OCA2: variants seen among roughly 807,000 people sequenced by gnomAD.
The protein encoded by OCA2 is P protein.
In OCA2, 77 loss-of-function variants were observed where a neutral mutation model predicts 100.2. The ratio of observed to expected loss-of-function variants is 0.77; its 90% CI spans 0.64 to 0.93. The LOEUF is 0.93. Ranked by LOEUF, OCA2 falls within the 40% of genes least tolerant of loss-of-function variation. The pLI, the probability that OCA2 is intolerant of heterozygous loss-of-function variation, is 0.00. For synonymous variants in OCA2, 432 were observed against 439.2 expected (o/e 0.98, Z 0.21); for missense variants, 1,062 against 1,089.1 (o/e 0.98, Z 0.35).
At chr15:28,074,029 C>CACAG (rs1555390153) in intron 2 of OCA2, among the ~76,000 whole-genome samples, 2 of 148,268 alleles carry the variant, frequency 1.3e-5, no homozygotes, top group African/African-American at 5.0e-5. Flanking sequence ...CACACACACA[C>CACAG]AGTACAAAAA....
rs545399254 is a variant in OCA2 at position 27,868,382 on chromosome 15, G to A, written c.2244+2772C>T. Among the ~76,000 whole-genome samples, 8 of 152,248 alleles carry A rather than the reference G, an allele frequency of 5.3e-5. No individual in the cohort carries two copies. The South Asian group carries it at 1.7e-3, about 32-fold the overall frequency. ...ATATATATGCAATGAAAGGTGATTC[G>A]GACTTAAAAGAGCAGAAAATCCTGC... is the stretch of plus-strand genomic sequence containing the variant. On this transcript the variant is annotated intron_variant, in intron 21 of 23. Coordinates refer to ENST00000354638, the MANE Select transcript of OCA2 (RefSeq NM_000275.3).
intron 19 of OCA2, among the ~76,000 whole-genome samples, chr15:27,884,324 G>C (rs574595323): frequency 6.6e-6 from 1 of 152,182 alleles, no homozygotes; most frequent in Non-Finnish European, 1.5e-5. Context: ...GCAGTGAACC[G>C]AAATCGCACC....
intron 23 of OCA2, among the ~76,000 whole-genome samples, chr15:27,792,238 C>A (rs528225502): frequency 1.3e-5 from 2 of 152,100 alleles, no homozygotes; most frequent in South Asian, 4.2e-4. Flanking sequence ...CTCTTGCCTG[C>A]CTTTCTTCCT....
At chr15:27,876,172 TG>T (rs1471991488) in intron 19 of OCA2, among the ~76,000 whole-genome samples, 1 of 152,112 alleles carries the variant, frequency 6.6e-6, no homozygotes, top group Admixed American at 6.5e-5. Flanking sequence ...TTCATCAGTT[TG>T]AGAATTCATG....
At chr15:27,800,351 G>A (rs1037387255) in intron 23 of OCA2, among the ~76,000 whole-genome samples, 1 of 151,838 alleles carries the variant, frequency 6.6e-6, no homozygotes, top group African/African-American at 2.4e-5. Flanking sequence ...CAAGATCAAA[G>A]GAGAAATCAA....
intron 23 of OCA2, among the ~76,000 whole-genome samples, chr15:27,792,750 G>A (rs1217464832): frequency 1.3e-5 from 2 of 152,224 alleles, no homozygotes; most frequent in African/African-American, 4.8e-5. Context: ...GTAAGCTACT[G>A]TAGGCCAAAG....
intron 22 of OCA2, among the ~76,000 whole-genome samples, chr15:27,847,598 C>T (rs1567019135): frequency 1.3e-5 from 2 of 152,124 alleles, no homozygotes; most frequent in Admixed American, 6.5e-5. Flanking sequence ...GGAGAGGCCC[C>T]GGAGAGAGGC....
In OCA2 at chr15:27,989,671, A is replaced by G. The variant is rs1195683880; in HGVS notation, c.1117-5T>C. The stretch of plus-strand genomic sequence containing the variant: ...CACATGGGTCAGGCTGGGTCTCTGC[A>G]ATCAAAGCACAAATTTGCCAATTAA... On this transcript the variant is annotated splice_region_variant and splice_polypyrimidine_tract_variant and intron_variant, in intron 10 of 23. Coordinates refer to ENST00000354638, the MANE Select transcript of OCA2 (RefSeq NM_000275.3). 6.2e-7 allele frequency: 1 copy of G among 1,614,060 alleles called. No homozygotes were observed. The highest frequency in any genetic ancestry group is 2.2e-5 in the East Asian group (1 of 44,858).
At chr15:27,799,518 G>A (rs1275827375) in intron 23 of OCA2, among the ~76,000 whole-genome samples, 1 of 152,180 alleles carries the variant, frequency 6.6e-6, no homozygotes, top group Non-Finnish European at 1.5e-5. Context: ...GCCAAGGCAA[G>A]TGGATAACCT....
intron 20 of OCA2, 128 bp from the exon 21 acceptor site, chr15:27,871,386 G>T: frequency 1.4e-6 from 1 of 733,662 alleles, no homozygotes; most frequent in Middle Eastern, 3.2e-4. Context: ...GACCAAGGCA[G>T]ACATAGGTGT....
chr15:27,957,383 G>A lies in OCA2; in HGVS notation c.1784+205C>T, dbSNP rs748777294. Among the ~76,000 whole-genome samples, 7 of 152,144 alleles carry A rather than the reference G, an allele frequency of 4.6e-5. No individual in the cohort carries two copies. The highest frequency in any genetic ancestry group is 8.8e-5 in the Non-Finnish European group (6 of 68,038). ...TCAAATTCTCTGAGCCTCTGGTTTT[G>A]TGTTGTTTCTTTGGTCCTTAAACTC... On this transcript the variant is annotated intron_variant, in intron 16 of 23. Coordinates refer to ENST00000354638, the MANE Select transcript of OCA2 (RefSeq NM_000275.3). The surrounding 1 kb of genome is among the most constrained non-coding windows in gnomAD (Gnocchi z 4.3).
At chr15:27,983,886 C>A (rs978979687) in intron 13 of OCA2, among the ~76,000 whole-genome samples, 1 of 151,870 alleles carries the variant, frequency 6.6e-6, no homozygotes. Context: ...CCACCTCCCC[C>A]TTCCTGGACA....
At chr15:27,796,793 T>C (rs4238494) in intron 23 of OCA2, among the ~76,000 whole-genome samples, 85,358 of 152,060 alleles carry the variant, frequency 0.56, 26,701 homozygotes, top group African/African-American at 0.84. Context: ...GAAAAATCTG[T>C]AGCAAGCACA....
intron 21 of OCA2, among the ~76,000 whole-genome samples, chr15:27,865,769 G>A (rs962629031): frequency 1.5e-4 from 23 of 152,248 alleles, no homozygotes; most frequent in African/African-American, 5.1e-4. Flanking sequence ...GCAAGGAGGC[G>A]GCACTGCCTT....
rs539633074 is a variant in OCA2, at chr15:28,024,215, C to T, written c.573+630G>A. Among the ~76,000 whole-genome samples, 289 of 152,304 alleles carry T rather than the reference C, an allele frequency of 1.9e-3. 4 individuals carry two copies. The highest frequency in any genetic ancestry group is 6.6e-3 in the African/African-American group (274 of 41,574). On this transcript the variant is annotated intron_variant, in intron 5 of 23. Transcript: ENST00000354638. Reference sequence around the variant, plus strand: ...GGACCCCTCCAATGAAGAACAGCACCGCCCACTGCCATGGGCTCACCAGAG... The same window carrying T: ...GGACCCCTCCAATGAAGAACAGCACTGCCCACTGCCATGGGCTCACCAGAG...
intron 2 of OCA2, among the ~76,000 whole-genome samples, chr15:28,038,869 G>A (rs1204400135): frequency 6.6e-6 from 1 of 152,142 alleles, no homozygotes; most frequent in Non-Finnish European, 1.5e-5. Context: ...GGCAAAGAGT[G>A]GCAGAATGGA....
chr15:27,994,949 A>T (rs2041674583), intron 9 of OCA2, among the ~76,000 whole-genome samples: 1 of 152,218 alleles, frequency 6.6e-6, no homozygotes, highest in Admixed American at 6.5e-5. Context: ...TAACCAAAAG[A>T]CAGCAGGGAT....
rs1567043230 is a variant in OCA2 at position 27,871,145 on chromosome 15, G to A, written c.2244+9C>T. 1.2e-6 allele frequency: 2 copies of A among 1,602,764 alleles called. No homozygotes were observed. The highest frequency in any genetic ancestry group is 1.7e-6 in the Non-Finnish European group (2 of 1,169,628). Reference sequence around the variant, plus strand: ...AGTTGAGCCGTCGACATGGACATGTGCAACTCACCATGGTAGCAGTGAACG... The same window carrying A: ...AGTTGAGCCGTCGACATGGACATGTACAACTCACCATGGTAGCAGTGAACG... On this transcript the variant is annotated intron_variant, in intron 21 of 23. Coordinates refer to ENST00000354638, the MANE Select transcript of OCA2 (RefSeq NM_000275.3).
At chr15:27,913,916 CAAGCAAGCAAGCAAGA>C (rs1459996969) in intron 19 of OCA2, among the ~76,000 whole-genome samples, 128 of 57,478 alleles carry the variant, frequency 2.2e-3, no homozygotes, top group African/African-American at 6.5e-3. Context: ...AGCAAGCAAG[CAAGCAAGCAAGCAAGA>C]AAGAAAGAAA....
Sources: allele counts gnomAD v4.1 joint callset (sites outside exome capture counted in the v4.1 genomes callset), GRCh38; gene constraint gnomAD v4.1.1; non-coding constraint Gnocchi (gnomAD v3.1); transcripts MANE v1.5; gene names NCBI Gene and HGNC (gene_info 2026-07-23, HGNC 2026-07-21).